The following HDAC9 variants were observed in gnomAD, a reference collection of about 807,000 sequenced individuals.
The protein encoded by HDAC9 is MEF-2 interacting transcription repressor (MITR) protein.
Under a neutral mutation model 139.4 loss-of-function variants are expected in HDAC9, and 41 were observed. The ratio of observed to expected loss-of-function variants is 0.29; its 90% CI spans 0.23 to 0.38. The LOEUF (loss-of-function observed/expected upper bound fraction) is 0.38, where lower values mean the gene tolerates loss of function less well. Among genes scored for constraint, HDAC9 ranks in the 10% least tolerant of loss-of-function variants. HDAC9 has a pLI of 1.00. For missense variants in HDAC9, 1,147 were observed against 1,297.0 expected (o/e 0.88, Z 1.78); for synonymous variants, 517 against 476.2 (o/e 1.09, Z -1.12).
At chr7:18,739,526 C>T (rs138466359) in intron 13 of HDAC9, among the ~76,000 whole-genome samples, 45 of 152,326 alleles carry the variant, frequency 3.0e-4, no homozygotes, top group Non-Finnish European at 4.6e-4. Context: ...GGTCCCTCAG[C>T]TACAGGTCTG....
At chr7:18,625,217 T>A (rs754558612) in intron 6 of HDAC9, among the ~76,000 whole-genome samples, 3 of 152,198 alleles carry the variant, frequency 2.0e-5, no homozygotes, top group Non-Finnish European at 4.4e-5. Flanking sequence ...TATTGAAACA[T>A]TTAATATATA....
Position 19,001,560 on chromosome 7 carries a change from C to CA in HDAC9, c.*5504dup, listed in dbSNP as rs1327084036. On this transcript the variant is annotated 3_prime_UTR_variant, in exon 26 of 26. Coordinates refer to ENST00000686413, the MANE Select transcript of HDAC9 (RefSeq NM_178425.4). ...GAAATGGAGTAATTAAAAAAAAAAA[C>CA]AAAAAACAGAGAAGAATTGCAAAAT... The CA allele has an allele frequency of 1.7e-4, 23 of 138,184 alleles. No homozygotes were observed. The highest frequency in any genetic ancestry group is 5.6e-4 in the African/African-American group (20 of 35,806). The allele number at this position is 138,184 out of a possible 1,614,324, so 8.6% of individuals were successfully genotyped here. A position where few individuals can be genotyped will look rare whatever the true frequency, so the allele number is the denominator to read the frequency against.
rs1800808490 is a variant in HDAC9, at chr7:18,892,897, C to A, written c.2803+18301C>A. On this transcript the variant is annotated intron_variant, in intron 22 of 25. Transcript: ENST00000686413. ...ATTTATATTCTAGCATTAATTAATA[C>A]TGAGTTTAAGGAACTTAAGTTTATG... Among the ~76,000 whole-genome samples, 2 of 151,842 alleles carry A rather than the reference C, an allele frequency of 1.3e-5. 1 individual carries two copies. Among genetic ancestry groups the A allele is most frequent in the South Asian group, 4.2e-4 (2 of 4,818 alleles).
chr7:18,710,667 G>A (rs1358659422), intron 12 of HDAC9, among the ~76,000 whole-genome samples: 1 of 152,150 alleles, frequency 6.6e-6, no homozygotes, highest in Non-Finnish European at 1.5e-5. Context: ...TCTAACAGAG[G>A]GTTGGCATTC....
intron 1 of HDAC9, among the ~76,000 whole-genome samples, chr7:18,146,101 A>G (rs1351439309): frequency 1.3e-5 from 2 of 152,212 alleles, no homozygotes; most frequent in Non-Finnish European, 2.9e-5. Flanking sequence ...GTCTTATTGA[A>G]GAAGAGGGAC....
At chr7:18,898,667 T>A (rs1386455695) in intron 22 of HDAC9, among the ~76,000 whole-genome samples, 2 of 151,918 alleles carry the variant, frequency 1.3e-5, no homozygotes, top group Non-Finnish European at 2.9e-5. Context: ...ATCTATCCAT[T>A]GATCATCAGT....
intron 1 of HDAC9, among the ~76,000 whole-genome samples, chr7:18,428,892 G>A (rs1274225646): frequency 6.6e-6 from 1 of 152,164 alleles, no homozygotes; most frequent in African/African-American, 2.4e-5. Context: ...CCACATTGGT[G>A]CCTTTGCATT....
At chr7:18,173,331 T>C (rs1788601700) in intron 2 of HDAC9, among the ~76,000 whole-genome samples, 1 of 152,220 alleles carries the variant, frequency 6.6e-6, no homozygotes, top group African/African-American at 2.4e-5. Flanking sequence ...CCCTTTATTT[T>C]GAGCCTATGT....
chr7:18,642,035 A>G (rs1308493973), intron 8 of HDAC9, among the ~76,000 whole-genome samples: 3 of 152,108 alleles, frequency 2.0e-5, no homozygotes, highest in African/African-American at 7.2e-5. Context: ...GAAAGTCTAC[A>G]TAAATGCTAT....
intron 2 of HDAC9, among the ~76,000 whole-genome samples, chr7:18,192,943 G>A (rs1173658810): frequency 6.6e-6 from 1 of 152,154 alleles, no homozygotes; most frequent in Non-Finnish European, 1.5e-5. Context: ...TTACAGATGA[G>A]GAAACTGAAA....
chr7:18,954,938 C>T (rs1783047280), intron 24 of HDAC9, among the ~76,000 whole-genome samples: 1 of 152,050 alleles, frequency 6.6e-6, no homozygotes, highest in Admixed American at 6.6e-5. Flanking sequence ...TTTGCTTGTT[C>T]AGTAGCAATT....
At chr7:18,827,291 A>G (rs1480982235) in intron 17 of HDAC9, among the ~76,000 whole-genome samples, 1 of 152,142 alleles carries the variant, frequency 6.6e-6, no homozygotes, top group Non-Finnish European at 1.5e-5. Flanking sequence ...TTTCCCTATT[A>G]TAAATAAGAC....
intron 1 of HDAC9, among the ~76,000 whole-genome samples, chr7:18,123,998 T>G (rs1239422394): frequency 6.6e-6 from 1 of 152,168 alleles, no homozygotes; most frequent in Non-Finnish European, 1.5e-5. Context: ...AATAGGAAAC[T>G]ATTTCCCAGA....
At chr7:18,470,525 A>G (rs1035764376) in intron 1 of HDAC9, among the ~76,000 whole-genome samples, 2 of 152,174 alleles carry the variant, frequency 1.3e-5, no homozygotes, top group Non-Finnish European at 2.9e-5. Flanking sequence ...GACATTAGAC[A>G]GCCTATGTGA....
chr7:18,098,761 T>C (rs761629934), intron 1 of HDAC9, among the ~76,000 whole-genome samples: 1 of 152,218 alleles, frequency 6.6e-6, no homozygotes, highest in Non-Finnish European at 1.5e-5. Context: ...CAGCTGCTCA[T>C]TGAGTGGACT....
intron 1 of HDAC9, among the ~76,000 whole-genome samples, chr7:18,149,837 A>T (rs1008155791): frequency 6.6e-6 from 1 of 152,100 alleles, no homozygotes; most frequent in African/African-American, 2.4e-5. Flanking sequence ...TACAGGCATA[A>T]GCCACTGCGC....
At chr7:18,121,162 T>C (rs1185719706) in intron 1 of HDAC9, among the ~76,000 whole-genome samples, 1 of 152,238 alleles carries the variant, frequency 6.6e-6, no homozygotes, top group African/African-American at 2.4e-5. Context: ...TAAATTATTT[T>C]ATTTGAAAAC....
chr7:18,554,870 A>G (rs1818319447), intron 2 of HDAC9, among the ~76,000 whole-genome samples: 1 of 152,130 alleles, frequency 6.6e-6, no homozygotes, highest in African/African-American at 2.4e-5. Context: ...CTAGAATTCT[A>G]TTGACATCAT....
chr7:18,808,949 G>C (rs1004412574), intron 17 of HDAC9, among the ~76,000 whole-genome samples: 1 of 152,010 alleles, frequency 6.6e-6, no homozygotes, highest in Non-Finnish European at 1.5e-5. Context: ...CTGTGGCAGA[G>C]CTATAATAAT....
Sources: gnomAD v4.1 joint callset for allele counts (sites outside exome capture counted in the v4.1 genomes callset) on GRCh38, gnomAD v4.1.1 for gene constraint, MANE v1.5 for transcripts, NCBI Gene and HGNC (gene_info 2026-07-23, HGNC 2026-07-21) for gene names.